Variants in SEC31A observed in about 807,000 individuals in gnomAD.
SEC31A encodes the protein protein transport protein Sec31A.
In SEC31A, 70 loss-of-function variants were observed where a neutral mutation model predicts 151.0. The observed-to-expected ratio is 0.46, with a 90% CI of 0.38 to 0.57. The LOEUF (loss-of-function observed/expected upper bound fraction) is 0.57. SEC31A is among the 20% of genes least tolerant of loss of function. The probability of loss-of-function intolerance (pLI) is 0.00; values close to 1 mark genes in which losing one functional copy is unlikely to be tolerated. For synonymous variants in SEC31A, 475 were observed against 505.9 expected (o/e 0.94, Z 0.82); for missense variants, 1,330 against 1,471.2 (o/e 0.90, Z 1.57).
intron 10 of SEC31A, 63 bp downstream of exon 10, chr4:82,866,745 T>C (rs984387505): frequency 6.9e-7 from 1 of 1,442,860 alleles, no homozygotes; most frequent in African/African-American, 1.4e-5. Flanking sequence ...AGTGACTCTA[T>C]AATAACACTT....
upstream of SEC31A, chr4:82,891,323 C>A (rs111668705): frequency 7.7e-6 from 6 of 779,716 alleles, no homozygotes; most frequent in African/African-American, 1.0e-4. Flanking sequence ...GCCTGGGAGG[C>A]GGGGTACGGC....
chr4:82,842,529 T>C, intron 21 of SEC31A, 48 bp from the exon 22 acceptor site: 1 of 1,421,482 alleles, frequency 7.0e-7, no homozygotes. Context: ...ACAAGTTTAT[T>C]CAGATAGTAG....
intron 2 of SEC31A, 115 bp downstream of exon 2, chr4:82,881,743 T>C (rs1219244400): frequency 1.3e-6 from 1 of 762,194 alleles, no homozygotes; most frequent in African/African-American, 1.7e-5. Context: ...AGAATGTCAG[T>C]AACTTGCCAG....
Position 82,875,812 on chromosome 4 carries a change from A to C in SEC31A, c.413T>G (p.Val138Gly). The change falls in exon 5 of 27, where the codon GTA becomes GGA. Residue 138 changes from valine to glycine, a missense_variant. Coordinates refer to ENST00000395310, the MANE Select transcript of SEC31A (RefSeq NM_001077207.4). ...TTCAGATTCATTAGCACCAGAAGCT[A>C]CCAGATTAGTCTGCAAGAAGAAACC... Reference protein sequence around the residue: ...LDVNIFQTNLVASGANESEIY... With the variant: ...LDVNIFQTNLGASGANESEIY... 1 of 1,597,294 alleles carries C rather than the reference A, an allele frequency of 6.3e-7. No individual in the cohort carries two copies. Among genetic ancestry groups the C allele is most frequent in the Non-Finnish European group, 8.5e-7 (1 of 1,169,686 alleles).
intron 22 of SEC31A, among the ~76,000 whole-genome samples, chr4:82,841,467 T>TATATATATATACAC (rs1339344582): frequency 2.5e-4 from 26 of 103,546 alleles, no homozygotes; most frequent in African/African-American, 8.2e-4. Context: ...TATATATATA[T>TATATATATATACAC]ACACACACAC....
At chr4:82,858,105 C>T (rs771492215) in intron 14 of SEC31A, 1 of 185,862 alleles carries the variant, frequency 5.4e-6, no homozygotes, top group Non-Finnish European at 1.1e-5. Context: ...ATGGTGAAAC[C>T]CCATATCTAC....
chr4:82,821,613 A>AAGGGTGG (rs1181959655), intron 25 of SEC31A, among the ~76,000 whole-genome samples: 2 of 151,440 alleles, frequency 1.3e-5, no homozygotes, highest in African/African-American at 4.9e-5. Context: ...ATCATCTATC[A>AAGGGTGG]AGGGTGGAGG....
intron 4 of SEC31A, among the ~76,000 whole-genome samples, chr4:82,878,354 C>T (rs1012329618): frequency 3.3e-5 from 5 of 152,024 alleles, no homozygotes; most frequent in Admixed American, 2.6e-4. Flanking sequence ...ATTAGCTGGG[C>T]GTGGTGGCAG....
In SEC31A at chr4:82,844,480, T is replaced by C; in HGVS notation, c.2532A>G (p.Ile844Met). 1.9e-6 allele frequency: 3 copies of C among 1,613,862 alleles called. No individual in the cohort carries two copies. Among genetic ancestry groups the C allele is most frequent in the Middle Eastern group, 1.6e-4 (1 of 6,062 alleles). ...HGENPPPPGF[I>M]MHGNVNPNAA... The stretch of plus-strand genomic sequence containing the variant: ...CATTTGGATTAACATTTCCATGCAT[T>C]ATGAAACCCGGAGGTGGAGGATTTT... The change falls in exon 21 of 27, where the codon ATA becomes ATG. Residue 844 changes from isoleucine to methionine, a missense_variant. Physicochemically the swap from Ile to Met is conservative, Grantham distance 10 (BLOSUM62 1). Coordinates refer to ENST00000395310, the MANE Select transcript of SEC31A (RefSeq NM_001077207.4).
rs772013899 is a variant in SEC31A at position 82,848,884 on chromosome 4, G to A, written c.2422C>T (p.Gln808Ter). 1 of 1,614,098 alleles carries A rather than the reference G, an allele frequency of 6.2e-7. No homozygotes were observed. The highest frequency in any genetic ancestry group is 8.5e-7 in the Non-Finnish European group (1 of 1,179,968). Residue 808 changes from glutamine (Q) to a stop codon, truncating the protein, a stop_gained, in exon 20 of 27, where the codon CAG becomes TAG. Coordinates refer to ENST00000395310, the MANE Select transcript of SEC31A (RefSeq NM_001077207.4). LOFTEE classifies it high-confidence loss of function. ...ESPKIPYEKQ[Q>*]LPKGRPGPVA... ...GGTCCAGGCCTGCCCTTGGGGAGCT[G>A]CTGTTTCTCGTACGGAATTTTAGGT...
rs935979517 is a variant in SEC31A, at chr4:82,881,481, C to T, written c.79+377G>A. On this transcript the variant is annotated intron_variant, in intron 2 of 26. Transcript: ENST00000395310. ...CTCCATCTCAAAAAAAAAAAAGTCC[C>T]GTGATTTACTATATCTGCTTATAGA... 1.8e-4 allele frequency among the ~76,000 whole-genome samples: 27 copies of T among 152,002 alleles called. 1 individual carries two copies. The highest frequency in any genetic ancestry group is 1.5e-5 in the Non-Finnish European group (1 of 67,974).
At chr4:82,819,311 TC>T in intron 26 of SEC31A, 58 bp from the exon 27 acceptor site, 1 of 1,315,644 alleles carries the variant, frequency 7.6e-7, no homozygotes, top group Non-Finnish European at 1.0e-6. Flanking sequence ...TCCCATGAGA[TC>T]CTCCATAAAC....
rs1578082138 is a variant in SEC31A at position 82,818,852 on chromosome 4, A to AG, written c.*221dup. 5.4e-6 allele frequency: 2 copies of AG among 373,482 alleles called. No individual in the cohort carries two copies. The highest frequency in any genetic ancestry group is 4.1e-5 in the African/African-American group (2 of 48,220). The allele number at this position is 373,482 out of a possible 1,614,324, so 23.1% of individuals were successfully genotyped here. ...GTAATCCAGGAAATACACTATTTGC[A>AG]GAATAGGAAAATCATCACTGGCAAC... is the stretch of plus-strand genomic sequence containing the variant. On this transcript the variant is annotated 3_prime_UTR_variant, in exon 27 of 27. Transcript: ENST00000395310.
chr4:82,870,945 G>A (rs1736513356), intron 7 of SEC31A, among the ~76,000 whole-genome samples: 1 of 152,148 alleles, frequency 6.6e-6, no homozygotes, highest in Non-Finnish European at 1.5e-5. Context: ...CACTTTGGGA[G>A]GCCAAGGCAG....
At chr4:82,898,021 A>G (rs1249053433) in intron 3 of SEC31A, 7 of 152,242 alleles carry the variant, frequency 4.6e-5, no homozygotes, top group Non-Finnish European at 1.5e-5. Context: ...TTATCTTCCA[A>G]GACCCATGTA....
In SEC31A at chr4:82,870,201, A is replaced by G. The variant is rs1015351959; in HGVS notation, c.882+124T>C. Reference sequence around the variant, plus strand: ...AAAATTGCTGCCAAATAAACACTGCACACACACGTCCACATACTCTTCACA... The same window carrying G: ...AAAATTGCTGCCAAATAAACACTGCGCACACACGTCCACATACTCTTCACA... On this transcript the variant is annotated intron_variant, in intron 8 of 26. Transcript: ENST00000395310. 2.1e-5 allele frequency: 14 copies of G among 651,572 alleles called. No individual in the cohort carries two copies. In the African/African-American group the frequency reaches 2.5e-4, roughly 12 times the overall value. The allele number at this position is 651,572 out of a possible 1,614,324, so 40.4% of individuals were successfully genotyped here. A position where few individuals can be genotyped will look rare whatever the true frequency, so the allele number is the denominator to read the frequency against.
intron 24 of SEC31A, among the ~76,000 whole-genome samples, chr4:82,826,910 T>G (rs1724733405): frequency 1.3e-5 from 2 of 152,260 alleles, no homozygotes; most frequent in Non-Finnish European, 1.5e-5. Flanking sequence ...TGCAGGACTT[T>G]GCCAACTGGC....
chr4:82,824,331 G>A (rs921289348), intron 25 of SEC31A, among the ~76,000 whole-genome samples: 14 of 152,120 alleles, frequency 9.2e-5, no homozygotes, highest in African/African-American at 3.4e-4. Flanking sequence ...AGCCTCTCGA[G>A]TAGCTGGGAC....
intron 1 of SEC31A, among the ~76,000 whole-genome samples, chr4:82,889,144 G>A (rs1261880057): frequency 1.3e-5 from 2 of 152,174 alleles, no homozygotes; most frequent in Non-Finnish European, 2.9e-5. Context: ...AAGCAACTGT[G>A]CACTGGTTAC....
Sources: allele counts gnomAD v4.1 joint callset (sites outside exome capture counted in the v4.1 genomes callset), GRCh38; gene constraint gnomAD v4.1.1; transcripts MANE v1.5; gene names NCBI Gene and HGNC (gene_info 2026-07-23, HGNC 2026-07-21).